Variants in ABCC8 observed in about 807,000 individuals in gnomAD.
The protein encoded by ABCC8 is ATP-binding cassette sub-family C member 8.
ABCC8 carries 137 observed loss-of-function variants against 188.0 expected under a neutral mutation model. That is an observed-to-expected ratio of 0.73 (90% CI 0.63 to 0.84). ABCC8 has a LOEUF of 0.84. Ranked by LOEUF, ABCC8 falls within the 40% of genes least tolerant of loss-of-function variation. The pLI, the probability that ABCC8 is intolerant of heterozygous loss-of-function variation, is 0.00. For missense variants in ABCC8, 1,750 were observed against 2,072.7 expected (o/e 0.84, Z 3.02); for synonymous variants, 797 against 846.5 (o/e 0.94, Z 1.01).
chr11:17,406,677 C>T lies in ABCC8; in HGVS notation c.3274G>A (p.Val1092Met). 6.2e-7 allele frequency: 1 copy of T among 1,614,240 alleles called. No individual in the cohort carries two copies. The highest frequency in any genetic ancestry group is 8.5e-7 in the Non-Finnish European group (1 of 1,180,052). ...SVTVEWTGLK[V>M]AKRLHRSLLN... Reference sequence around the variant, plus strand: ...AGGCTGCGGTGCAGTCTCTTGGCCACCTTCAGCCCTGTCCACTCCACAGTG... The same window carrying T: ...AGGCTGCGGTGCAGTCTCTTGGCCATCTTCAGCCCTGTCCACTCCACAGTG... The change falls in exon 26 of 39, where the codon GTG becomes ATG. Residue 1092 changes from valine (V) to methionine (M), a missense_variant. Coordinates refer to ENST00000389817, the MANE Select transcript of ABCC8 (RefSeq NM_000352.6).
chr11:17,405,495 T>C lies in ABCC8; in HGVS notation c.3398A>G (p.Gln1133Arg), dbSNP rs769065284. 4 of 1,614,242 alleles carry C rather than the reference T, an allele frequency of 2.5e-6. No homozygotes were observed. The highest frequency in any genetic ancestry group is 3.4e-6 in the Non-Finnish European group (4 of 1,180,040). Residue 1133 changes from glutamine (Q) to arginine (R), a missense_variant and splice_region_variant, in exon 27 of 39, where the codon CAG (glutamine) becomes CGG (arginine). Gln to Arg is a conservative substitution (Grantham distance 43, BLOSUM62 1). Transcript: ENST00000389817. ...ATAGTGTGGCACGGTCCTCTGTACC[T>C]GGTCGATGGTGTTACAGTCAGATGA... ...RFSSDCNTID[Q>R]HIPSTLECLS...
Position 17,406,900 on chromosome 11 carries a change from GCAGTTCCTGGCTGCAGGGGT to G in ABCC8, c.3130_3149del (p.Thr1044LeufsTer63), listed in dbSNP as rs886041392. ...CCGCCAGTCACACCTGGCTGAGGGA[GCAGTTCCTGGCTGCAGGGGT>G]CAGGGTCAGGGCGCTGTCGGTCCAC... is the stretch of plus-strand genomic sequence containing the variant. On this transcript the variant is annotated frameshift_variant, in exon 25 of 39. Coordinates refer to ENST00000389817, the MANE Select transcript of ABCC8 (RefSeq NM_000352.6). LOFTEE classifies it high-confidence loss of function. 9 of 1,614,030 alleles carry G rather than the reference GCAGTTCCTGGCTGCAGGGGT, an allele frequency of 5.6e-6. No individual in the cohort carries two copies. The highest frequency in any genetic ancestry group is 7.6e-6 in the Non-Finnish European group (9 of 1,180,062).
rs4148622 is a variant in ABCC8, at chr11:17,427,455, A to G, written c.2117-301T>C. ...CAGGCTCCTTGTGGTCCCAAGAAAC[A>G]CCATCCTGGGTCCCACCTCCAACCC... On this transcript the variant is annotated intron_variant, in intron 15 of 38. Transcript: ENST00000389817. The surrounding 1 kb of genome is among the most constrained non-coding windows in gnomAD (Gnocchi z 5.0). 0.76 allele frequency among the ~76,000 whole-genome samples: 114,842 copies of G among 151,940 alleles called. 43,613 individuals are homozygous for G. Among genetic ancestry groups the G allele is most frequent in the East Asian group, 0.88 (4,527 of 5,138 alleles).
rs761160857 is a variant in ABCC8, at chr11:17,407,405, G to C, written c.2869C>G (p.Arg957Gly). Residue 957 changes from arginine (R) to glycine (G), a missense_variant, in exon 24 of 39, where the codon CGT becomes GGT. By Grantham distance (125) the Arg-to-Gly change is moderately radical (BLOSUM62 -2). Transcript: ENST00000389817. ...AGGCCATCCCTCGAGGACATGGCAC[G>C]AGATAGGCCCTGGGGTGGCTCTGTG... The part of the protein sequence containing the change: ...KATEPPQGLS[R>G]AMSSRDGLLQ... The C allele has an allele frequency of 1.4e-5, 23 of 1,614,026 alleles. No individual in the cohort carries two copies. Among genetic ancestry groups the C allele is most frequent in the Middle Eastern group, 1.6e-4 (1 of 6,084 alleles).
chr11:17,466,347 C>T (rs546948548), intron 3 of ABCC8, among the ~76,000 whole-genome samples: 8 of 143,820 alleles, frequency 5.6e-5, no homozygotes, highest in South Asian at 2.2e-4. Context: ...TGCGGTGAGC[C>T]GAGATTGCAC....
At chr11:17,440,039 T>C (rs774461070) in intron 10 of ABCC8, among the ~76,000 whole-genome samples, 12 of 152,172 alleles carry the variant, frequency 7.9e-5, no homozygotes, top group Non-Finnish European at 8.8e-5. Flanking sequence ...ATCCAGGAGA[T>C]GAGTACATAT....
At chr11:17,428,479 A>G in intron 13 of ABCC8, 74 bp from the exon 14 acceptor site, 1 of 1,602,988 alleles carries the variant, frequency 6.2e-7, no homozygotes. Flanking sequence ...TTCCTGGGAA[A>G]AAAGGCAGAA....
intron 8 of ABCC8, among the ~76,000 whole-genome samples, chr11:17,445,998 C>T (rs1435627466): frequency 6.7e-6 from 1 of 148,874 alleles, no homozygotes; most frequent in Non-Finnish European, 1.5e-5. Flanking sequence ...CCGAGTCTCG[C>T]TCTGTTACCC....
Position 17,408,439 on chromosome 11 carries a change from C to G in ABCC8, c.2773G>C (p.Glu925Gln), listed in dbSNP as rs372968932. 116 of 1,613,708 alleles carry G rather than the reference C, an allele frequency of 7.2e-5. No individual in the cohort carries two copies. Among genetic ancestry groups the G allele is most frequent in the Non-Finnish European group, 9.1e-5 (107 of 1,180,032 alleles). Residue 925 changes from glutamate to glutamine, a missense_variant, in exon 23 of 39, where the codon GAG becomes CAG. By Grantham distance (29) the Glu-to-Gln change is conservative. Coordinates refer to ENST00000389817, the MANE Select transcript of ABCC8 (RefSeq NM_000352.6). Reference sequence around the variant, plus strand: ...CGGTTCATGAGGGTCTTCCAGTGCTCAAAGAGCTGGCATTCAGACCTCTGG... The same window carrying G: ...CGGTTCATGAGGGTCTTCCAGTGCTGAAAGAGCTGGCATTCAGACCTCTGG... ...DFQRSECQLF[E>Q]HWKTLMNRQD...
At chr11:17,423,134 G>A (rs1387863614) in intron 16 of ABCC8, among the ~76,000 whole-genome samples, 3 of 151,814 alleles carry the variant, frequency 2.0e-5, no homozygotes, top group African/African-American at 4.8e-5. Context: ...TGAGGCGGGC[G>A]GATCATGAGG....
intron 4 of ABCC8, among the ~76,000 whole-genome samples, chr11:17,462,211 C>T (rs1477609133): frequency 6.6e-6 from 1 of 152,190 alleles, no homozygotes; most frequent in African/African-American, 2.4e-5. Flanking sequence ...GCCTCCTCCA[C>T]TTACTAGCAA....
intron 10 of ABCC8, among the ~76,000 whole-genome samples, chr11:17,436,742 G>A (rs1956113788): frequency 6.6e-6 from 1 of 152,192 alleles, no homozygotes; most frequent in Non-Finnish European, 1.5e-5. Flanking sequence ...CTGCAATAGT[G>A]TAGAGACATG....
intron 5 of ABCC8, 157 bp downstream of exon 5, chr11:17,461,426 G>T: frequency 1.1e-6 from 1 of 926,212 alleles, no homozygotes; most frequent in Non-Finnish European, 1.7e-6. Context: ...ACCTGTCCCT[G>T]GTTCACTGTG....
intron 2 of ABCC8, among the ~76,000 whole-genome samples, chr11:17,472,677 T>TG (rs1439234029): frequency 1.3e-5 from 2 of 152,298 alleles, no homozygotes; most frequent in South Asian, 2.1e-4. Flanking sequence ...ATCTGTGCCC[T>TG]GGGGAGGAGA....
chr11:17,443,183 T>C lies in ABCC8; in HGVS notation c.1462A>G (p.Thr488Ala), dbSNP rs1349254760. ...ATKLSQAQRS[T>A]LEYSNERLKQ... ...ACACACCTTTGGGCACTCACCAGTG[T>C]GCTCCGCTGGGCCTGAGACAGCTTG... The change falls in exon 9 of 39, where the codon ACA becomes GCA. Residue 488 changes from threonine to alanine, a missense_variant. Coordinates refer to ENST00000389817, the MANE Select transcript of ABCC8 (RefSeq NM_000352.6). 1 of 1,614,132 alleles carries C rather than the reference T, an allele frequency of 6.2e-7. No individual in the cohort carries two copies. The highest frequency in any genetic ancestry group is 1.1e-5 in the South Asian group (1 of 91,070).
At chr11:17,454,475 C>T (rs1230013665) in intron 6 of ABCC8, among the ~76,000 whole-genome samples, 1 of 152,116 alleles carries the variant, frequency 6.6e-6, no homozygotes, top group African/African-American at 2.4e-5. Context: ...GAGGAAGGCC[C>T]TACCGAGGCT....
rs1955687165 is a variant in ABCC8, at chr11:17,428,370, C to G, written c.1959G>C (p.Arg653=). The G allele has an allele frequency of 6.2e-7, 1 of 1,614,128 alleles. No homozygotes were observed. Among genetic ancestry groups the G allele is most frequent in the Non-Finnish European group, 8.5e-7 (1 of 1,179,994 alleles). ...GGCCGGTGAGGCCCCGACAATCCTC[C>G]CGGGCTGGACGCTTGCGGTTCACAA... ...LRVVNRKRPA[R]EDCRGLTGPL... The change falls in exon 14 of 39, where the codon CGG becomes CGC. Residue 653 remains arginine (R), a synonymous_variant. Coordinates refer to ENST00000389817, the MANE Select transcript of ABCC8 (RefSeq NM_000352.6).
chr11:17,442,497 G>A (rs1956355213), intron 10 of ABCC8, among the ~76,000 whole-genome samples: 1 of 152,226 alleles, frequency 6.6e-6, no homozygotes, highest in Non-Finnish European at 1.5e-5. Flanking sequence ...ACAGTGTCCA[G>A]CACATAGCAG....
At chr11:17,438,491 C>T (rs899463263) in intron 10 of ABCC8, among the ~76,000 whole-genome samples, 9 of 152,140 alleles carry the variant, frequency 5.9e-5, no homozygotes, top group Non-Finnish European at 8.8e-5. Flanking sequence ...ACAGAGGAAG[C>T]GCTCTGGAAT....
Sources: gnomAD v4.1 joint callset for allele counts (sites outside exome capture counted in the v4.1 genomes callset) on GRCh38, gnomAD v4.1.1 for gene constraint, Gnocchi (gnomAD v3.1) non-coding constraint, MANE v1.5 for transcripts, NCBI Gene and HGNC (gene_info 2026-07-23, HGNC 2026-07-21) for gene names.